OSBPL8: variants seen among roughly 807,000 people sequenced by gnomAD.
OSBPL8 encodes oxysterol binding protein like 8, also known as oxysterol-binding protein-related protein 8.
Under a neutral mutation model 125.5 loss-of-function variants are expected in OSBPL8, and 59 were observed. That is an observed-to-expected ratio of 0.47 (90% CI 0.38 to 0.58). The LOEUF (loss-of-function observed/expected upper bound fraction) is 0.58, where lower values mean the gene tolerates loss of function less well. Among genes scored for constraint, OSBPL8 ranks in the 20% least tolerant of loss-of-function variants. The probability of loss-of-function intolerance (pLI) is 0.00; values close to 1 mark genes in which losing one functional copy is unlikely to be tolerated. For synonymous variants in OSBPL8, 330 were observed against 338.9 expected (o/e 0.97, Z 0.29); for missense variants, 758 against 1,047.8 (o/e 0.72, Z 3.82).
intron 1 of OSBPL8, among the ~76,000 whole-genome samples, chr12:76,532,036 CAA>C (rs56122052): frequency 0.25 from 22,638 of 89,356 alleles, 1,541 homozygotes; most frequent in Non-Finnish European, 0.31. Context: ...GACTCCTTCT[CAA>C]AAAAAAAAAA....
chr12:76,511,056 T>C (rs1010456414), intron 1 of OSBPL8, among the ~76,000 whole-genome samples: 2 of 152,278 alleles, frequency 1.3e-5, no homozygotes, highest in South Asian at 2.1e-4. Flanking sequence ...TAAACAAAGG[T>C]ATGTACATGA....
intron 2 of OSBPL8, among the ~76,000 whole-genome samples, chr12:76,464,577 T>C (rs576617888): frequency 5.0e-4 from 76 of 152,324 alleles, no homozygotes; most frequent in African/African-American, 1.6e-3. Flanking sequence ...TCATCTATAA[T>C]TAGCATTAAA....
intron 1 of OSBPL8, among the ~76,000 whole-genome samples, chr12:76,557,010 G>C (rs1353033366): frequency 6.6e-6 from 1 of 152,068 alleles, no homozygotes; most frequent in Non-Finnish European, 1.5e-5. Context: ...TTATTTGCAG[G>C]TCATTATTTG....
At chr12:76,473,155 T>C (rs1876384447) in intron 2 of OSBPL8, among the ~76,000 whole-genome samples, 2 of 152,180 alleles carry the variant, frequency 1.3e-5, no homozygotes, top group Non-Finnish European at 2.9e-5. Context: ...CCTATCTCTC[T>C]GTGTGGCCTG....
chr12:76,493,609 T>A (rs73385520), intron 1 of OSBPL8, among the ~76,000 whole-genome samples: 6,002 of 152,272 alleles, frequency 0.039, 358 homozygotes, highest in African/African-American at 0.13. Context: ...CTAAAGGAGC[T>A]CCCTTGCATG....
chr12:76,456,573 T>C (rs1208322760), intron 3 of OSBPL8, among the ~76,000 whole-genome samples: 2 of 151,956 alleles, frequency 1.3e-5, no homozygotes, highest in African/African-American at 2.4e-5. Context: ...GTTGTGTCCT[T>C]GCACTAGGTG....
intron 6 of OSBPL8, among the ~76,000 whole-genome samples, chr12:76,401,683 G>A (rs1333320722): frequency 6.6e-6 from 1 of 152,032 alleles, no homozygotes; most frequent in Non-Finnish European, 1.5e-5. Flanking sequence ...CTTACTGATA[G>A]AAACCTTCTC....
chr12:76,515,351 C>T (rs1881426584), intron 1 of OSBPL8, among the ~76,000 whole-genome samples: 1 of 152,102 alleles, frequency 6.6e-6, no homozygotes, highest in Non-Finnish European at 1.5e-5. Context: ...TTCACAGGGC[C>T]AAGGCTTTGT....
intron 2 of OSBPL8, 135 bp from the exon 3 acceptor site, chr12:76,460,030 C>T: frequency 1.3e-6 from 1 of 752,258 alleles, no homozygotes; most frequent in Admixed American, 2.1e-5. Flanking sequence ...AAAGCACATG[C>T]ACATCAATAG....
intron 1 of OSBPL8, among the ~76,000 whole-genome samples, chr12:76,495,020 T>G (rs1879131307): frequency 6.6e-6 from 1 of 152,176 alleles, no homozygotes; most frequent in African/African-American, 2.4e-5. Context: ...CTAATTAAAT[T>G]AAAAATAAAA....
chr12:76,518,508 C>G (rs1342273526), intron 1 of OSBPL8, among the ~76,000 whole-genome samples: 1 of 152,186 alleles, frequency 6.6e-6, no homozygotes, highest in Non-Finnish European at 1.5e-5. Context: ...TTCCATAGTT[C>G]CACTAGGCAG....
intron 8 of OSBPL8, 126 bp from the exon 9 acceptor site, chr12:76,394,855 C>T (rs1041585623): frequency 6.5e-6 from 4 of 611,034 alleles, no homozygotes; most frequent in Admixed American, 4.0e-5. Context: ...GGCAAATGAG[C>T]TTTAATTTCA....
chr12:76,480,005 A>G (rs762109640), intron 2 of OSBPL8, among the ~76,000 whole-genome samples: 1 of 151,918 alleles, frequency 6.6e-6, no homozygotes, highest in African/African-American at 2.4e-5. Flanking sequence ...TGTCTCTACT[A>G]AAAATACAAA....
intron 4 of OSBPL8, among the ~76,000 whole-genome samples, chr12:76,423,463 T>G (rs1869759427): frequency 6.6e-6 from 1 of 152,200 alleles, no homozygotes; most frequent in African/African-American, 2.4e-5. Flanking sequence ...AAATTTAATT[T>G]GAACAGTTTC....
At chr12:76,379,954 C>A (rs1236574136) in intron 15 of OSBPL8, among the ~76,000 whole-genome samples, 5 of 152,156 alleles carry the variant, frequency 3.3e-5, no homozygotes, top group Admixed American at 3.3e-4. Context: ...AAACATTTGA[C>A]CATGTGTACA....
chr12:76,490,732 C>T (rs1878630965), intron 1 of OSBPL8, among the ~76,000 whole-genome samples: 1 of 152,212 alleles, frequency 6.6e-6, no homozygotes, highest in Non-Finnish European at 1.5e-5. Flanking sequence ...TGGCCCCTTG[C>T]CCTTATTGGC....
intron 1 of OSBPL8, among the ~76,000 whole-genome samples, chr12:76,549,899 C>T (rs940247133): frequency 1.3e-5 from 2 of 149,714 alleles, no homozygotes; most frequent in Admixed American, 6.6e-5. Context: ...AGATGTACTC[C>T]AATAAACAGA....
In OSBPL8 at chr12:76,408,277, C is replaced by T. The variant is rs7138852; in HGVS notation, c.288+2287G>A. 4.0e-5 allele frequency among the ~76,000 whole-genome samples: 6 copies of T among 150,908 alleles called. No homozygotes were observed. The South Asian group carries it at 8.4e-4, about 21-fold the overall frequency. On this transcript the variant is annotated intron_variant, in intron 5 of 23. Coordinates refer to ENST00000261183, the MANE Select transcript of OSBPL8 (RefSeq NM_020841.5). ...GAGATCGAGACCATCCTGGCTAACA[C>T]GGTGAAACCCTGTCTCTACTAAAAA...
intron 3 of OSBPL8, among the ~76,000 whole-genome samples, chr12:76,457,070 G>A (rs1459052376): frequency 6.6e-6 from 1 of 152,268 alleles, no homozygotes; most frequent in East Asian, 1.9e-4. Flanking sequence ...ATGAAAATAG[G>A]CAAGAATGAT....
Sources: gnomAD v4.1 joint callset for allele counts (sites outside exome capture counted in the v4.1 genomes callset) on GRCh38, gnomAD v4.1.1 for gene constraint, MANE v1.5 for transcripts, NCBI Gene and HGNC (gene_info 2026-07-23, HGNC 2026-07-21) for gene names.